Variants in BBS4 observed in about 807,000 individuals in gnomAD.
BBS4 encodes the protein Bardet-Biedl syndrome 4.
Under a neutral mutation model 71.4 loss-of-function variants are expected in BBS4, and 58 were observed. The observed-to-expected ratio is 0.81, with a 90% CI of 0.66 to 1.01. BBS4 has a LOEUF of 1.01. Among genes scored for constraint, BBS4 ranks in the 50% least tolerant of loss-of-function variants. The probability of loss-of-function intolerance (pLI) is 0.00; values close to 1 mark genes in which losing one functional copy is unlikely to be tolerated. For synonymous variants in BBS4, 228 were observed against 216.8 expected (o/e 1.05, Z -0.46); for missense variants, 660 against 607.9 (o/e 1.09, Z -0.90).
Position 72,735,043 on chromosome 15 carries a change from G to A in BBS4, c.1037-70G>A, listed in dbSNP as rs768720966. 8.8e-6 allele frequency: 10 copies of A among 1,134,024 alleles called. No homozygotes were observed. In the East Asian group the frequency reaches 9.4e-5, roughly 11 times the overall value. The allele number at this position is 1,134,024 out of a possible 1,614,324, so 70.2% of individuals were successfully genotyped here. A position where few individuals can be genotyped will look rare whatever the true frequency, so the allele number is the denominator to read the frequency against. On this transcript the variant is annotated intron_variant, in intron 12 of 15. Coordinates refer to ENST00000268057, the MANE Select transcript of BBS4 (RefSeq NM_033028.5). ...AGCTGACAGGGTGAAGTTTACTTTG[G>A]GGGTAGTCTTTAATACTCCTTTTGT...
intron 1 of BBS4, among the ~76,000 whole-genome samples, chr15:72,687,068 C>A (rs1270513645): frequency 6.8e-6 from 1 of 147,400 alleles, no homozygotes; most frequent in Non-Finnish European, 1.5e-5. Context: ...TTTCTACTCT[C>A]ATTTGCAGAG....
intron 12 of BBS4, among the ~76,000 whole-genome samples, chr15:72,734,688 G>T (rs2065886894): frequency 6.6e-6 from 1 of 152,056 alleles, no homozygotes; most frequent in Non-Finnish European, 1.5e-5. Context: ...AAAGTGGGGG[G>T]AGTGTTTTAC....
chr15:72,722,025 G>C (rs1043760093), intron 6 of BBS4, among the ~76,000 whole-genome samples: 2 of 152,002 alleles, frequency 1.3e-5, no homozygotes, highest in African/African-American at 2.4e-5. Flanking sequence ...TTTTGTAAAG[G>C]GCCAGTTAAT....
chr15:72,692,095 C>T (rs1301630978), intron 1 of BBS4, among the ~76,000 whole-genome samples: 1 of 151,978 alleles, frequency 6.6e-6, no homozygotes, highest in African/African-American at 2.4e-5. Context: ...TCACATGCCT[C>T]ACTTTAGTCC....
intron 1 of BBS4, among the ~76,000 whole-genome samples, chr15:72,689,990 T>C (rs1226347743): frequency 6.6e-6 from 1 of 151,968 alleles, no homozygotes; most frequent in African/African-American, 2.4e-5. Flanking sequence ...TTTTGTATTT[T>C]TAGTAGAGAC....
intron 3 of BBS4, among the ~76,000 whole-genome samples, chr15:72,710,495 C>T (rs1468708281): frequency 6.6e-6 from 1 of 152,068 alleles, no homozygotes; most frequent in Non-Finnish European, 1.5e-5. Flanking sequence ...CCACCGTGCC[C>T]AGCCCTGAGT....
At chr15:72,688,053 A>G (rs796696146) in intron 1 of BBS4, among the ~76,000 whole-genome samples, 85 of 98,874 alleles carry the variant, frequency 8.6e-4, no homozygotes, top group African/African-American at 4.4e-3. Flanking sequence ...TCTCAAAAAA[A>G]AAAAAAAAAA....
At chr15:72,733,615 TG>T (rs2065868662) in intron 12 of BBS4, among the ~76,000 whole-genome samples, 1 of 152,210 alleles carries the variant, frequency 6.6e-6, no homozygotes. Flanking sequence ...CTTGTTCTTT[TG>T]TATGGCTGTG....
In BBS4 at chr15:72,731,611, G is replaced by C. The variant is rs1465654085; in HGVS notation, c.921G>C (p.Leu307=). The C allele has an allele frequency of 1.2e-6, 2 of 1,614,196 alleles. No homozygotes were observed. The highest frequency in any genetic ancestry group is 1.7e-6 in the Non-Finnish European group (2 of 1,180,044). The change falls in exon 12 of 16, where the codon CTG becomes CTC. Residue 307 remains leucine (L), a synonymous_variant. Coordinates refer to ENST00000268057, the MANE Select transcript of BBS4 (RefSeq NM_033028.5). ...NYLAPFDWKI[L]YNLGLVHLTM... The stretch of plus-strand genomic sequence containing the variant: ...TGGCACCCTTTGATTGGAAGATTCT[G>C]TATAATTTGGGCCTTGTCCATTTGA...
Position 72,736,839 on chromosome 15 carries a change from T to A in BBS4, c.1326T>A (p.Asp442Glu), listed in dbSNP as rs2065934669. 5.0e-6 allele frequency: 8 copies of A among 1,614,068 alleles called. No homozygotes were observed. The highest frequency in any genetic ancestry group is 6.8e-6 in the Non-Finnish European group (8 of 1,180,016). Residue 442 changes from aspartate to glutamate, a missense_variant, in exon 15 of 16, where the codon GAT becomes GAA. Physicochemically the swap from Asp to Glu is conservative, Grantham distance 45. Transcript: ENST00000268057. ...TGGTCTGGACCAAACCAGTTAAAGA[T>A]CCCAAATCAAAGCACCAGACCACTT... is the stretch of plus-strand genomic sequence containing the variant. ...EALVWTKPVK[D>E]PKSKHQTTST...
intron 3 of BBS4, among the ~76,000 whole-genome samples, chr15:72,711,112 T>C (rs2065362842): frequency 6.6e-6 from 1 of 151,410 alleles, no homozygotes; most frequent in Admixed American, 6.6e-5. Flanking sequence ...ATACCAGTTT[T>C]TTTTGACACC....
At chr15:72,704,773 A>G (rs939693671) in intron 2 of BBS4, among the ~76,000 whole-genome samples, 6 of 152,114 alleles carry the variant, frequency 3.9e-5, no homozygotes, top group African/African-American at 9.7e-5. Flanking sequence ...CCAGCTACTC[A>G]GTAGGCTGAG....
At chr15:72,716,360 T>C (rs2065468809) in intron 5 of BBS4, among the ~76,000 whole-genome samples, 1 of 152,198 alleles carries the variant, frequency 6.6e-6, no homozygotes, top group African/African-American at 2.4e-5. Flanking sequence ...TCCCTGTTTC[T>C]CTCTAAACTC....
chr15:72,722,784 A>G lies in BBS4; in HGVS notation c.406-10A>G, dbSNP rs1208615082. 1.9e-6 allele frequency: 3 copies of G among 1,613,460 alleles called. No individual in the cohort carries two copies. Among genetic ancestry groups the G allele is most frequent in the Non-Finnish European group, 2.5e-6 (3 of 1,179,532 alleles). On this transcript the variant is annotated splice_polypyrimidine_tract_variant and intron_variant, in intron 6 of 15. Transcript: ENST00000268057. ...ACCTGAGTTGTTTTCCTTCTTTTTT[A>G]TGAGCCTAGGAGATCAGCCATAACC...
intron 2 of BBS4, chr15:72,704,371 T>G (rs145427584): frequency 2.8e-6 from 3 of 1,077,148 alleles, no homozygotes; most frequent in African/African-American, 3.3e-5. Flanking sequence ...TTTCAACTAG[T>G]AATTCTCATA....
rs66684005 is a variant in BBS4 at position 72,710,195 on chromosome 15, G to GTTTTTTTTTTTT, written c.156+430_156+441dup. Among the ~76,000 whole-genome samples, 17 of 103,432 alleles carry GTTTTTTTTTTTT rather than the reference G, an allele frequency of 1.6e-4. 2 individuals carry two copies. Among genetic ancestry groups the GTTTTTTTTTTTT allele is most frequent in the African/African-American group, 5.9e-4 (16 of 27,224 alleles). 67.9% of individuals were successfully genotyped at this position (103,432 alleles called of 152,430 possible). On this transcript the variant is annotated intron_variant, in intron 3 of 15. Transcript: ENST00000268057. Reference sequence around the variant, plus strand: ...TAGATGAAAAATGGTATTTTGTCGAGTTTTTTTTTTTTTTTTTTTTTTTTT... The same window carrying GTTTTTTTTTTTT: ...TAGATGAAAAATGGTATTTTGTCGAGTTTTTTTTTTTTTTTTTTTTTTTTTTTTTTTTTTTTT...
At position 72,702,802 on chromosome 15, in the gene BBS4, C is replaced by CTTTTTTTTTTTTTTTTTTTTTT. The variant is rs59816410; in HGVS notation, c.77-6896_77-6875dup. On this transcript the variant is annotated intron_variant, in intron 2 of 15. Coordinates refer to ENST00000268057, the MANE Select transcript of BBS4 (RefSeq NM_033028.5). ...TTTTTGGTATAGTGAGGAGCTGACT[C>CTTTTTTTTTTTTTTTTTTTTTT]TTTTTTTTTTTTTTTTTTTTTTTGA... Among the ~76,000 whole-genome samples, 26 of 73,490 alleles carry CTTTTTTTTTTTTTTTTTTTTTT rather than the reference C, an allele frequency of 3.5e-4. 3 individuals are homozygous for CTTTTTTTTTTTTTTTTTTTTTT. The highest frequency in any genetic ancestry group is 4.7e-4 in the Admixed American group (2 of 4,224). The allele number at this position is 73,490 out of a possible 152,430, so 48.2% of individuals were successfully genotyped here. A position where few individuals can be genotyped will look rare whatever the true frequency, so the allele number is the denominator to read the frequency against.
At chr15:72,687,934 GA>G (rs778275825) in intron 1 of BBS4, among the ~76,000 whole-genome samples, 156 of 120,644 alleles carry the variant, frequency 1.3e-3, no homozygotes, top group Admixed American at 3.1e-3. Flanking sequence ...CTCCGTCTCA[GA>G]AAAAAAAAAA....
intron 1 of BBS4, 39 bp downstream of exon 1, chr15:72,686,290 G>A (rs2064833423): frequency 6.4e-7 from 1 of 1,556,442 alleles, no homozygotes; most frequent in Non-Finnish European, 8.7e-7. Context: ...CGGCCGCAGG[G>A]CAAGGCAAGC....
Sources: allele counts gnomAD v4.1 joint callset (sites outside exome capture counted in the v4.1 genomes callset), GRCh38; gene constraint gnomAD v4.1.1; transcripts MANE v1.5; gene names NCBI Gene and HGNC (gene_info 2026-07-23, HGNC 2026-07-21).